The following ARMC12 variants were observed in gnomAD, a reference collection of about 807,000 sequenced individuals.
ARMC12 encodes the protein armadillo repeat containing 12.
A neutral mutation model predicts 37.4 loss-of-function variants in ARMC12; 25 were observed. That is an observed-to-expected ratio of 0.67 (90% CI 0.49 to 0.93). The LOEUF (loss-of-function observed/expected upper bound fraction) is 0.93, where lower values mean the gene tolerates loss of function less well. ARMC12 is among the 40% of genes least tolerant of loss of function. The pLI, the probability that ARMC12 is intolerant of heterozygous loss-of-function variation, is 0.00. For missense variants in ARMC12, 384 were observed against 426.6 expected, an observed-to-expected ratio of 0.90 and a Z score of 0.88; for synonymous variants, 167 against 176.1, an observed-to-expected ratio of 0.95 and a Z score of 0.41.
At chr6:35,744,790 C>A (rs897557943) in intron 3 of ARMC12, among the ~76,000 whole-genome samples, 1 of 152,010 alleles carries the variant, frequency 6.6e-6, no homozygotes, top group African/African-American at 2.4e-5. Context: ...AACAAGCAGT[C>A]CAATTAGGAA....
intron 5 of ARMC12, 38 bp from the exon 6 acceptor site, chr6:35,748,500 A>C: frequency 1.5e-5 from 21 of 1,417,322 alleles, no homozygotes; most frequent in Non-Finnish European, 1.9e-5. Context: ...TAACTTGCCT[A>C]GGAGTTTATT....
chr6:35,740,904 T>TG (rs1392283483), intron 3 of ARMC12, among the ~76,000 whole-genome samples: 4 of 150,160 alleles, frequency 2.7e-5, no homozygotes, highest in Non-Finnish European at 1.5e-5. Flanking sequence ...CTGGTTTTTT[T>TG]TTTTTTTTTT....
In ARMC12 at chr6:35,738,286, T is replaced by TTGG. The variant is rs369248958; in HGVS notation, c.310-98_310-97insTGG. 1.7e-4 allele frequency: 184 copies of TTGG among 1,063,304 alleles called. 1 individual carries two copies. The highest frequency in any genetic ancestry group is 1.4e-3 in the African/African-American group (62 of 43,462). 65.9% of individuals were successfully genotyped at this position (1,063,304 alleles called of 1,614,324 possible). ...GGGACCTCTCTCTGGCTGATAGCGG[T>TTGG]GGGGGGGGGGTGTGCGGAGGGATCT... On this transcript the variant is annotated intron_variant, in intron 2 of 5. Coordinates refer to ENST00000373866, the MANE Select transcript of ARMC12 (RefSeq NM_001286574.2).
Position 35,748,651 on chromosome 6 carries a change from C to T in ARMC12, c.804C>T (p.His268=), listed in dbSNP as rs574636703. ...AGGGCCGGAACGCACCCCACTACCA[C>T]GTGGTGAAATGGCATTACAACGAAC... The part of the protein sequence containing the change: ...LSEGRNAPHY[H]VVKWHYNEQS... Residue 268 remains histidine, a synonymous_variant, in exon 6 of 6, where the codon CAC becomes CAT. Transcript: ENST00000373866. The T allele has an allele frequency of 9.9e-6, 16 of 1,613,918 alleles. No homozygotes were observed. The highest frequency in any genetic ancestry group is 6.7e-5 in the East Asian group (3 of 44,876).
intron 1 of ARMC12, 139 bp from the exon 2 acceptor site, chr6:35,737,888 G>T: frequency 8.9e-7 from 1 of 1,126,954 alleles, no homozygotes; most frequent in East Asian, 2.4e-5. Flanking sequence ...ACTGTACATG[G>T]TGGTCCTGCA....
intron 3 of ARMC12, among the ~76,000 whole-genome samples, chr6:35,744,709 C>G (rs946590815): frequency 1.3e-5 from 2 of 152,044 alleles, no homozygotes; most frequent in Non-Finnish European, 2.9e-5. Flanking sequence ...GAGCCGAGAT[C>G]GCACCACTGC....
upstream of ARMC12, among the ~76,000 whole-genome samples, chr6:35,733,061 A>G (rs145621208): frequency 2.0e-3 from 310 of 152,294 alleles, 3 homozygotes; most frequent in African/African-American, 7.1e-3. Context: ...AGTTCCAGCA[A>G]CTTGGTAAAC....
At chr6:35,742,793 T>C (rs1767213255) in intron 3 of ARMC12, among the ~76,000 whole-genome samples, 1 of 152,130 alleles carries the variant, frequency 6.6e-6, no homozygotes, top group African/African-American at 2.4e-5. Context: ...GCCCTCCAAG[T>C]TCTCTAACCC....
upstream of ARMC12, among the ~76,000 whole-genome samples, chr6:35,732,453 A>G (rs1176761211): frequency 6.6e-6 from 1 of 152,242 alleles, no homozygotes; most frequent in Non-Finnish European, 1.5e-5. Context: ...GACTCAGATT[A>G]TGGAATTTGT....
upstream of ARMC12, among the ~76,000 whole-genome samples, chr6:35,736,309 C>A (rs1342407225): frequency 6.6e-6 from 1 of 152,190 alleles, no homozygotes; most frequent in Admixed American, 6.5e-5. Flanking sequence ...GGAACCCTAC[C>A]TGAAGAAACA....
intron 1 of ARMC12, among the ~76,000 whole-genome samples, chr6:35,737,675 C>T (rs912818566): frequency 4.6e-5 from 7 of 152,194 alleles, no homozygotes; most frequent in Non-Finnish European, 5.9e-5. Flanking sequence ...TTCTTTTGTG[C>T]AGAGTAGGAA....
In ARMC12 at chr6:35,737,186, G is replaced by C; in HGVS notation, c.78G>C (p.Gly26=). 6.2e-7 allele frequency: 1 copy of C among 1,614,224 alleles called. No individual in the cohort carries two copies. The highest frequency in any genetic ancestry group is 8.5e-7 in the Non-Finnish European group (1 of 1,180,044). The change falls in exon 1 of 6, where the codon GGG becomes GGC. Residue 26 remains glycine, a synonymous_variant. Coordinates refer to ENST00000373866, the MANE Select transcript of ARMC12 (RefSeq NM_001286574.2). The part of the protein sequence containing the change: ...KSVVSLATGA[G]AIYLLYKAIK... ...TAGTCAGCCTGGCCACAGGCGCCGG[G>C]GCGATCTACCTGCTCTACAAGGCCA...
upstream of ARMC12, chr6:35,736,878 G>A (rs1326984246): frequency 1.7e-5 from 10 of 605,388 alleles, no homozygotes; most frequent in Non-Finnish European, 2.8e-5. Flanking sequence ...CCAAAGTGCT[G>A]GGATTACAAG....
the ARMC12 span, among the ~76,000 whole-genome samples, chr6:35,731,570 C>G: frequency 2.0e-5 from 3 of 152,168 alleles, no homozygotes; most frequent in Non-Finnish European, 2.9e-5. Context: ...GCATCCGAAC[C>G]TGGGGGGAGG....
At chr6:35,738,608 AGTTT>A in intron 3 of ARMC12, 90 bp downstream of exon 3, 2 of 1,513,770 alleles carry the variant, frequency 1.3e-6, no homozygotes, top group East Asian at 4.6e-5. Flanking sequence ...ATGTTCCAGA[AGTTT>A]GTTTGGGTGT....
chr6:35,737,017 G>A, upstream of ARMC12: 1 of 1,557,648 alleles, frequency 6.4e-7, no homozygotes, highest in Non-Finnish European at 8.7e-7. Flanking sequence ...TGGTACCCTG[G>A]TTCCTGACCC....
chr6:35,737,316 C>T, intron 1 of ARMC12, 45 bp downstream of exon 1: 3 of 1,614,224 alleles, frequency 1.9e-6, no homozygotes, highest in South Asian at 1.1e-5. Context: ...CCAGGAGGCA[C>T]CTGCTCCCGA....
chr6:35,742,495 T>TTGA (rs1482016897), intron 3 of ARMC12, among the ~76,000 whole-genome samples: 1 of 28,432 alleles, frequency 3.5e-5, no homozygotes, highest in Non-Finnish European at 5.4e-5. Flanking sequence ...AGACTCTGTC[T>TTGA]CAAAAAAAAA....
At chr6:35,742,724 G>A (rs1246315251) in intron 3 of ARMC12, among the ~76,000 whole-genome samples, 1 of 152,094 alleles carries the variant, frequency 6.6e-6, no homozygotes, top group African/African-American at 2.4e-5. Context: ...GATCTCTGCA[G>A]CCTGTGGGCT....
Sources: allele counts gnomAD v4.1 joint callset (sites outside exome capture counted in the v4.1 genomes callset), GRCh38; gene constraint gnomAD v4.1.1; transcripts MANE v1.5; gene names NCBI Gene and HGNC (gene_info 2026-07-23, HGNC 2026-07-21).